The following CEACAM18 variants were observed in gnomAD, a reference collection of about 807,000 sequenced individuals.
CEACAM18 encodes cell adhesion molecule CEACAM18.
In CEACAM18, 33 loss-of-function variants were observed where a neutral mutation model predicts 34.3. The ratio of observed to expected loss-of-function variants is 0.96; its 90% CI spans 0.73 to 1.29. The LOEUF (loss-of-function observed/expected upper bound fraction) is 1.29. CEACAM18 is among the 50% of genes most tolerant of loss of function. CEACAM18 has a pLI of 0.00. For missense variants in CEACAM18, 474 were observed against 485.0 expected (o/e 0.98, Z 0.21); for synonymous variants, 169 against 180.9 (o/e 0.93, Z 0.53).
chr19:51,478,674 G>A lies in CEACAM18; in HGVS notation c.32G>A (p.Trp11Ter). The stretch of plus-strand genomic sequence containing the variant: ...CTTTCCAGACCCAGATGGAGCCTGT[G>A]GAGGAGGGTCTTCCTCATGGGTAAG... Residue 11 changes from tryptophan (W) to a stop codon, truncating the protein, a stop_gained, in exon 1 of 6, where the codon TGG becomes TAG. Coordinates refer to ENST00000396477, the Ensembl canonical transcript of CEACAM18. LOFTEE classifies it high-confidence loss of function. 2 of 1,480,664 alleles carry A rather than the reference G, an allele frequency of 1.4e-6. No individual in the cohort carries two copies. The highest frequency in any genetic ancestry group is 1.8e-6 in the Non-Finnish European group (2 of 1,110,234). 91.7% of individuals were successfully genotyped at this position (1,480,664 alleles called of 1,614,324 possible). A position where few individuals can be genotyped will look rare whatever the true frequency, so the allele number is the denominator to read the frequency against.
chr19:51,478,805 A>G, intron 1 of CEACAM18, 111 bp downstream of exon 1: 1 of 732,998 alleles, frequency 1.4e-6, no homozygotes, highest in Non-Finnish European at 2.0e-6. Context: ...CACATCAAGA[A>G]ACTCCCAGAG....
intron 5 of CEACAM18, among the ~76,000 whole-genome samples, chr19:51,486,030 A>G (rs1301813771): frequency 2.0e-5 from 3 of 152,126 alleles, no homozygotes; most frequent in Non-Finnish European, 2.9e-5. Context: ...AATGGTACCA[A>G]TGGTGATGGT....
rs989502107 is a variant in CEACAM18, at chr19:51,480,247, C to T, written c.53-86C>T. The T allele has an allele frequency of 4.4e-6, 5 of 1,136,458 alleles. No individual in the cohort carries two copies. In the South Asian group the frequency reaches 6.4e-5, roughly 15 times the overall value. The allele number at this position is 1,136,458 out of a possible 1,614,324, so 70.4% of individuals were successfully genotyped here. A position where few individuals can be genotyped will look rare whatever the true frequency, so the allele number is the denominator to read the frequency against. ...CACCAGCGTCTCTGGGAATCGTTCC[C>T]GGATGGTGTCTTTTTTCCTTGTCTT... On this transcript the variant is annotated intron_variant, in intron 1 of 5. Transcript: ENST00000396477.
intron 1 of CEACAM18, 74 bp downstream of exon 1, chr19:51,478,768 G>T (rs1989855155): frequency 1.7e-6 from 2 of 1,167,150 alleles, no homozygotes; most frequent in Admixed American, 7.6e-5. Context: ...CGGCGGGGAG[G>T]GGGCTGGGAC....
intron 1 of CEACAM18, among the ~76,000 whole-genome samples, chr19:51,480,117 C>T (rs1989884135): frequency 1.3e-5 from 2 of 151,986 alleles, no homozygotes; most frequent in Non-Finnish European, 2.9e-5. Flanking sequence ...GCGAGGAGGG[C>T]CTGGGAGAAG....
chr19:51,481,352 G>C, intron 2 of CEACAM18, 41 bp from the exon 3 acceptor site: 1 of 1,594,812 alleles, frequency 6.3e-7, no homozygotes, highest in South Asian at 1.2e-5. Flanking sequence ...TGGGGAAGCA[G>C]ACCCCACTTG....
intron 4 of CEACAM18, 106 bp downstream of exon 4, chr19:51,483,402 T>A (rs1408491530): frequency 1.5e-6 from 2 of 1,358,560 alleles, no homozygotes; most frequent in Non-Finnish European, 2.1e-6. Context: ...TGCCATGACA[T>A]GCTCTCAACC....
At chr19:51,485,229 C>G (rs1989979714) in intron 5 of CEACAM18, 107 bp downstream of exon 5, 5 of 1,163,546 alleles carry the variant, frequency 4.3e-6, no homozygotes, top group Non-Finnish European at 5.8e-6. Flanking sequence ...GAGGGATAAG[C>G]CAGGAACTAG....
At chr19:51,481,354 C>A in intron 2 of CEACAM18, 39 bp from the exon 3 acceptor site, 1 of 1,597,664 alleles carries the variant, frequency 6.3e-7, no homozygotes. Flanking sequence ...GGGAAGCAGA[C>A]CCCACTTGTA....
intron 1 of CEACAM18, among the ~76,000 whole-genome samples, chr19:51,479,498 A>T (rs77721243): frequency 0.018 from 2,755 of 152,292 alleles, 74 homozygotes; most frequent in African/African-American, 0.055. Flanking sequence ...GAGACAGGGC[A>T]GTCCTGCCCT....
At chr19:51,481,010 G>A (rs1313107532) in intron 2 of CEACAM18, among the ~76,000 whole-genome samples, 2 of 152,196 alleles carry the variant, frequency 1.3e-5, no homozygotes, top group Non-Finnish European at 2.9e-5. Context: ...GTTGGAGGGA[G>A]TATTCGTAAA....
intron 5 of CEACAM18, among the ~76,000 whole-genome samples, chr19:51,486,329 A>G (rs1341875195): frequency 6.6e-6 from 1 of 152,094 alleles, no homozygotes; most frequent in Admixed American, 6.5e-5. Context: ...GATTATGATG[A>G]AGCACAATGC....
At chr19:51,483,225 C>T (rs767906262) in exon 4 of CEACAM18, 1 of 1,613,930 alleles carries the variant, frequency 6.2e-7, no homozygotes, top group Non-Finnish European at 8.5e-7. Context: ...TGGGCCGTTA[C>T]CGATGCACTG....
At chr19:51,481,506 G>T (rs1236603998) in exon 3 of CEACAM18, 2 of 1,614,052 alleles carry the variant, frequency 1.2e-6, no homozygotes, top group Admixed American at 3.3e-5. Flanking sequence ...GTATGTGAAT[G>T]ATGTGCCTAC....
chr19:51,487,743 A>G (rs12327792), intron 5 of CEACAM18, among the ~76,000 whole-genome samples: 11,457 of 152,220 alleles, frequency 0.075, 511 homozygotes, highest in African/African-American at 0.12. Context: ...AGATCACACC[A>G]TGGCACTCCA....
chr19:51,483,063 C>A (rs750841889), exon 4 of CEACAM18: 5 of 1,613,878 alleles, frequency 3.1e-6, no homozygotes, highest in Non-Finnish European at 4.2e-6. Flanking sequence ...ATGATTTCAA[C>A]GGCATTGTGA....
At chr19:51,484,143 A>G (rs950342335) in intron 4 of CEACAM18, among the ~76,000 whole-genome samples, 1 of 152,180 alleles carries the variant, frequency 6.6e-6, no homozygotes, top group Non-Finnish European at 1.5e-5. Flanking sequence ...AAACTGTGCA[A>G]GAAAGTACAG....
At chr19:51,487,806 G>C (rs967025070) in intron 5 of CEACAM18, among the ~76,000 whole-genome samples, 1 of 152,142 alleles carries the variant, frequency 6.6e-6, no homozygotes. Context: ...TAAATAATCT[G>C]TGAAGAAAAG....
At chr19:51,478,941 C>T (rs1038334304) in intron 1 of CEACAM18, among the ~76,000 whole-genome samples, 12 of 135,318 alleles carry the variant, frequency 8.9e-5, no homozygotes, top group Middle Eastern at 4.2e-3. Context: ...TACACACACA[C>T]GCACACGCAC....
Sources: allele counts gnomAD v4.1 joint callset (sites outside exome capture counted in the v4.1 genomes callset), GRCh38; gene constraint gnomAD v4.1.1; transcripts MANE v1.5; gene names NCBI Gene and HGNC (gene_info 2026-07-23, HGNC 2026-07-21).